UBE3A: variants seen among roughly 807,000 people sequenced by gnomAD.
UBE3A encodes ubiquitin protein ligase E3A, also known as ubiquitin-protein ligase E3A.
Under a neutral mutation model 83.4 loss-of-function variants are expected in UBE3A, and 6 were observed. That is an observed-to-expected ratio of 0.07 (90% CI 0.04 to 0.14). The LOEUF (loss-of-function observed/expected upper bound fraction) is 0.14, where lower values mean the gene tolerates loss of function less well. UBE3A is among the 10% of genes least tolerant of loss of function. UBE3A has a pLI of 1.00. For missense variants in UBE3A, 456 were observed against 1,036.1 expected (o/e 0.44, Z 7.69); for synonymous variants, 337 against 355.4 (o/e 0.95, Z 0.58).
At chr15:25,425,677 C>T (rs893668994) in intron 1 of UBE3A, among the ~76,000 whole-genome samples, 9 of 152,098 alleles carry the variant, frequency 5.9e-5, no homozygotes, top group African/African-American at 2.2e-4. Flanking sequence ...GAAGAGAAAC[C>T]TTTCATTTCT....
chr15:25,378,107 T>C (rs2081525026), intron 4 of UBE3A, among the ~76,000 whole-genome samples: 1 of 152,190 alleles, frequency 6.6e-6, no homozygotes, highest in Non-Finnish European at 1.5e-5. Context: ...ATATACATGA[T>C]TTGAATGGCC....
intron 1 of UBE3A, among the ~76,000 whole-genome samples, chr15:25,427,495 C>T (rs1891665061): frequency 6.7e-6 from 1 of 149,792 alleles, no homozygotes; most frequent in South Asian, 2.1e-4. Context: ...ATAGAAAGCA[C>T]TCTTCTATTT....
chr15:25,399,473 C>T (rs2086540979), intron 4 of UBE3A, among the ~76,000 whole-genome samples: 1 of 152,174 alleles, frequency 6.6e-6, no homozygotes, highest in Non-Finnish European at 1.5e-5. Flanking sequence ...CCTTTCCCCG[C>T]TGTGTTCTTT....
rs2087827110 is a variant in UBE3A at position 25,404,014 on chromosome 15, G to GT, written c.62+1446dup. Among the ~76,000 whole-genome samples the GT allele has an allele frequency of 2.6e-5, 4 of 152,070 alleles. No homozygotes were observed. The South Asian group carries it at 8.3e-4, about 31-fold the overall frequency. On this transcript the variant is annotated intron_variant, in intron 4 of 12. Coordinates refer to ENST00000648336, the MANE Select transcript of UBE3A (RefSeq NM_130839.5). ...TTCTGCAAAACAGAGAGTTCTGATC[G>GT]TGACTGTGCAACAATATTAATATAC...
intron 11 of UBE3A, among the ~76,000 whole-genome samples, chr15:25,344,337 A>G (rs1000224388): frequency 1.3e-5 from 2 of 152,132 alleles, no homozygotes; most frequent in African/African-American, 2.4e-5. Context: ...TAGGAAGATT[A>G]TTTTCCTAGT....
chr15:25,365,220 A>C (rs2078890027), intron 6 of UBE3A, among the ~76,000 whole-genome samples: 1 of 152,166 alleles, frequency 6.6e-6, no homozygotes, highest in Non-Finnish European at 1.5e-5. Flanking sequence ...ATATCAAAGC[A>C]TTTGCAGAAT....
intron 4 of UBE3A, among the ~76,000 whole-genome samples, chr15:25,384,757 C>T (rs1365165608): frequency 6.6e-6 from 1 of 152,138 alleles, no homozygotes; most frequent in East Asian, 1.9e-4. Flanking sequence ...TCCCTGATTT[C>T]TAAAGATATT....
intron 1 of UBE3A, chr15:25,438,257 A>G (rs1378446411): frequency 6.6e-6 from 1 of 152,482 alleles, no homozygotes; most frequent in Non-Finnish European, 1.5e-5. Context: ...CTCGGGCGAC[A>G]AAACCCTCCC....
intron 11 of UBE3A, among the ~76,000 whole-genome samples, chr15:25,352,318 A>ATAAAT (rs1404455898): frequency 2.0e-5 from 3 of 152,240 alleles, no homozygotes; most frequent in Non-Finnish European, 4.4e-5. Context: ...TCTGCATACA[A>ATAAAT]TAAATAAATA....
In UBE3A at chr15:25,415,514, G is replaced by C. The variant is rs567102678; in HGVS notation, c.-164-3543C>G. On this transcript the variant is annotated intron_variant, in intron 1 of 12. Transcript: ENST00000648336. ...TCTGAGGAGACTTCACTCGGAAATGGTCCTCTATCCATTACTAACCTCTAT... is the reference window on the plus strand; with the variant it reads ...TCTGAGGAGACTTCACTCGGAAATGCTCCTCTATCCATTACTAACCTCTAT... 2.0e-4 allele frequency among the ~76,000 whole-genome samples: 30 copies of C among 152,132 alleles called. 1 individual carries two copies. Among genetic ancestry groups the C allele is most frequent in the Admixed American group, 1.9e-3 (29 of 15,278 alleles).
chr15:25,402,292 G>A (rs1180721336), intron 4 of UBE3A, among the ~76,000 whole-genome samples: 1 of 152,198 alleles, frequency 6.6e-6, no homozygotes, highest in Admixed American at 6.5e-5. Flanking sequence ...TGGAGCCTTG[G>A]TACACAGGTG....
chr15:25,340,957 C>T (rs1302341549), intron 11 of UBE3A, among the ~76,000 whole-genome samples: 2 of 152,122 alleles, frequency 1.3e-5, no homozygotes, highest in Non-Finnish European at 2.9e-5. Flanking sequence ...TTTAATGACA[C>T]TTATGTTAGT....
At position 25,364,847 on chromosome 15, in the gene UBE3A, T is replaced by C. The variant is rs376632515; in HGVS notation, c.1609-4320A>G. On this transcript the variant is annotated intron_variant, in intron 6 of 12. Coordinates refer to ENST00000648336, the MANE Select transcript of UBE3A (RefSeq NM_130839.5). ...TTTTTTAGTAGAGATGGGGTTTCAC[T>C]GTGTTAGCCAGGATGGTTTCGGTCT... 7.2e-5 allele frequency among the ~76,000 whole-genome samples: 11 copies of C among 151,962 alleles called. No homozygotes were observed. The East Asian group carries it at 1.2e-3, about 16-fold the overall frequency.
At chr15:25,421,937 G>GT (rs1254810358) in intron 1 of UBE3A, 11 of 152,096 alleles carry the variant, frequency 7.2e-5, no homozygotes, top group African/African-American at 2.7e-4. Flanking sequence ...ATGTGACCCA[G>GT]TAATTCCAAT....
intron 2 of UBE3A, among the ~76,000 whole-genome samples, chr15:25,410,732 G>A (rs1034755185): frequency 2.0e-5 from 3 of 152,158 alleles, no homozygotes; most frequent in African/African-American, 7.2e-5. Context: ...AATTGCAGGG[G>A]ATTCCAATAA....
chr15:25,389,184 G>C (rs1198435339), intron 4 of UBE3A, among the ~76,000 whole-genome samples: 1 of 150,930 alleles, frequency 6.6e-6, no homozygotes, highest in Non-Finnish European at 1.5e-5. Context: ...GGCAGTATTT[G>C]ACAAAGAGGC....
At chr15:25,378,504 T>G (rs1168516327) in intron 4 of UBE3A, among the ~76,000 whole-genome samples, 1 of 152,164 alleles carries the variant, frequency 6.6e-6, no homozygotes, top group Non-Finnish European at 1.5e-5. Flanking sequence ...TGCGGGGCAC[T>G]TTGACATGGG....
intron 4 of UBE3A, among the ~76,000 whole-genome samples, chr15:25,387,223 T>G (rs973402817): frequency 1.3e-5 from 2 of 152,168 alleles, no homozygotes; most frequent in South Asian, 4.1e-4. Flanking sequence ...ATGCATTTAT[T>G]AGAAAAGAAT....
intron 7 of UBE3A, among the ~76,000 whole-genome samples, chr15:25,359,303 A>T (rs1004450820): frequency 1.3e-5 from 2 of 152,192 alleles, no homozygotes; most frequent in East Asian, 3.8e-4. Flanking sequence ...ATAATTTTCT[A>T]TCTCAAAAAG....
Sources: allele counts gnomAD v4.1 joint callset (sites outside exome capture counted in the v4.1 genomes callset), GRCh38; gene constraint gnomAD v4.1.1; transcripts MANE v1.5; gene names NCBI Gene and HGNC (gene_info 2026-07-23, HGNC 2026-07-21).